Variants in CFAP107 observed in about 807,000 individuals in gnomAD.
The protein encoded by CFAP107 is cilia and flagella associated protein 107, also known as cilia- and flagella-associated protein 107.
chr1:12,748,512 GA>G, the CFAP107 span, among the ~76,000 whole-genome samples: 62 of 146,980 alleles, frequency 4.2e-4, 1 homozygote, highest in Non-Finnish European at 6.0e-5. Context: ...ATGTACACCA[GA>G]AAAGAGTTGA....
the CFAP107 span, chr1:12,763,651 A>G: frequency 1.3e-5 from 2 of 152,244 alleles, no homozygotes; most frequent in African/African-American, 4.8e-5. Context: ...ACACATGTTT[A>G]TTTGACAGTT....
chr1:12,746,561 T>TCA, the CFAP107 span: 1 of 1,565,680 alleles, frequency 6.4e-7, no homozygotes, highest in Non-Finnish European at 8.8e-7. Context: ...CGAGAGAGGT[T>TCA]GGAGAGAGGG....
At chr1:12,759,631 T>G in the CFAP107 span, 1 of 910,058 alleles carries the variant, frequency 1.1e-6, no homozygotes, top group East Asian at 2.6e-5. Context: ...GGGGCTGAGT[T>G]CTATTGTACC....
the CFAP107 span, among the ~76,000 whole-genome samples, chr1:12,752,556 A>T: frequency 3.9e-3 from 143 of 36,580 alleles, 2 homozygotes; most frequent in African/African-American, 0.036. Context: ...GACTCTGTCT[A>T]AAAAAAAAAA....
At chr1:12,749,365 A>G in the CFAP107 span, among the ~76,000 whole-genome samples, 1 of 152,172 alleles carries the variant, frequency 6.6e-6, no homozygotes, top group Non-Finnish European at 1.5e-5. Flanking sequence ...GAATCTCAGC[A>G]CTTTGGGAGG....
At chr1:12,761,834 CTGAGCT>C in the CFAP107 span, 1 of 152,264 alleles carries the variant, frequency 6.6e-6, no homozygotes, top group Non-Finnish European at 1.5e-5. Context: ...CCGCACCTGG[CTGAGCT>C]CTCAAATCTT....
At chr1:12,755,571 CAG>C in the CFAP107 span, 1 of 699,718 alleles carries the variant, frequency 1.4e-6, no homozygotes. Flanking sequence ...CTGTGTTGGG[CAG>C]GGTGTCCAGG....
At chr1:12,752,149 A>G in the CFAP107 span, among the ~76,000 whole-genome samples, 1 of 152,224 alleles carries the variant, frequency 6.6e-6, no homozygotes, top group South Asian at 2.1e-4. Flanking sequence ...CGAAGACATC[A>G]CAAGAAAAGA....
chr1:12,746,365 C>T, the CFAP107 span: 25 of 1,361,060 alleles, frequency 1.8e-5, no homozygotes, highest in African/African-American at 3.3e-4. Flanking sequence ...CTTCATAACA[C>T]CTTCCTCTCC....
At chr1:12,751,682 A>C in the CFAP107 span, among the ~76,000 whole-genome samples, 3 of 152,226 alleles carry the variant, frequency 2.0e-5, no homozygotes, top group Non-Finnish European at 4.4e-5. Flanking sequence ...TGAAAAATCA[A>C]TAAAATTTAC....
the CFAP107 span, chr1:12,761,603 C>T: frequency 1.3e-5 from 2 of 149,606 alleles, no homozygotes; most frequent in African/African-American, 5.0e-5. Context: ...GTGGCACGAT[C>T]TCAGCTCACT....
chr1:12,763,013 A>G, the CFAP107 span: 1 of 152,066 alleles, frequency 6.6e-6, no homozygotes, highest in Non-Finnish European at 1.5e-5. Flanking sequence ...ACAGTGAAAC[A>G]CTGTCTCTAT....
At chr1:12,757,007 A>G in the CFAP107 span, among the ~76,000 whole-genome samples, 385 of 152,318 alleles carry the variant, frequency 2.5e-3, 1 homozygote, top group Non-Finnish European at 3.7e-3. Flanking sequence ...CTCAGACCAC[A>G]CTGACATCTC....
At chr1:12,753,819 C>CT in the CFAP107 span, 1 of 151,976 alleles carries the variant, frequency 6.6e-6, no homozygotes, top group Non-Finnish European at 1.5e-5. Context: ...AATCCCAGCA[C>CT]TTTGAGAGTC....
chr1:12,747,564 G>A, the CFAP107 span, among the ~76,000 whole-genome samples: 1 of 152,094 alleles, frequency 6.6e-6, no homozygotes, highest in African/African-American at 2.4e-5. Flanking sequence ...TGTCTTCTTG[G>A]GAAGTGGGCA....
the CFAP107 span, among the ~76,000 whole-genome samples, chr1:12,756,125 G>T: frequency 5.3e-5 from 8 of 152,190 alleles, no homozygotes; most frequent in Non-Finnish European, 1.0e-4. Flanking sequence ...ATATAGTCAG[G>T]AATCACATAA....
At chr1:12,761,224 A>C in the CFAP107 span, 1 of 348,658 alleles carries the variant, frequency 2.9e-6, no homozygotes, top group Admixed American at 4.6e-5. Flanking sequence ...GAAAACAGGA[A>C]GGGCCCTTAA....
chr1:12,759,285 G>A, the CFAP107 span: 5 of 1,609,432 alleles, frequency 3.1e-6, no homozygotes, highest in Admixed American at 1.7e-5. Context: ...TATCAGTAAC[G>A]AGCCCACTGT....
chr1:12,756,396 A>G, the CFAP107 span, among the ~76,000 whole-genome samples: 3 of 152,232 alleles, frequency 2.0e-5, no homozygotes, highest in East Asian at 5.8e-4. Flanking sequence ...GTGAGTATGT[A>G]GGAGACAATT....
Sources: allele counts gnomAD v4.1 joint callset (sites outside exome capture counted in the v4.1 genomes callset), GRCh38; gene constraint gnomAD v4.1.1; transcripts MANE v1.5; gene names NCBI Gene and HGNC (gene_info 2026-07-23, HGNC 2026-07-21).